The following WDFY1 variants were observed in gnomAD, a reference collection of about 807,000 sequenced individuals.
WDFY1 encodes WD repeat and FYVE domain-containing protein 1.
In WDFY1, 32 loss-of-function variants were observed where a neutral mutation model predicts 56.4. That is an observed-to-expected ratio of 0.57 (90% CI 0.43 to 0.76). The LOEUF (loss-of-function observed/expected upper bound fraction) is 0.76. Among genes scored for constraint, WDFY1 ranks in the 30% least tolerant of loss-of-function variants. WDFY1 has a pLI of 0.00. For synonymous variants in WDFY1, 192 were observed against 197.3 expected, an observed-to-expected ratio of 0.97 and a Z score of 0.23; for missense variants, 480 against 545.7, an observed-to-expected ratio of 0.88 and a Z score of 1.20.
intron 8 of WDFY1, among the ~76,000 whole-genome samples, chr2:223,889,213 A>C (rs918553320): frequency 6.6e-6 from 1 of 151,964 alleles, no homozygotes; most frequent in Non-Finnish European, 1.5e-5. Flanking sequence ...CTCTCAATTC[A>C]TTTCTAATAG....
chr2:223,917,004 G>C (rs1693799425), intron 2 of WDFY1, among the ~76,000 whole-genome samples: 1 of 151,864 alleles, frequency 6.6e-6, no homozygotes, highest in Non-Finnish European at 1.5e-5. Flanking sequence ...AGTAGAGATG[G>C]GGTTTCATCA....
chr2:223,928,482 A>C (rs1694021091), intron 1 of WDFY1, among the ~76,000 whole-genome samples: 1 of 152,184 alleles, frequency 6.6e-6, no homozygotes, highest in Admixed American at 6.5e-5. Flanking sequence ...GAGTTCTGGC[A>C]GAACAGCAGG....
At chr2:223,902,696 ATACT>A (rs1383102709) in intron 4 of WDFY1, among the ~76,000 whole-genome samples, 2 of 151,912 alleles carry the variant, frequency 1.3e-5, no homozygotes, top group African/African-American at 2.4e-5. Context: ...ATTTCCATAA[ATACT>A]TACAGGGTGT....
intron 1 of WDFY1, among the ~76,000 whole-genome samples, chr2:223,920,258 C>A (rs1693866660): frequency 6.6e-6 from 1 of 152,222 alleles, no homozygotes; most frequent in South Asian, 2.1e-4. Context: ...ACACCAGTGA[C>A]CCGCTGCTCA....
intron 8 of WDFY1, 125 bp downstream of exon 8, chr2:223,894,109 A>G (rs1574761948): frequency 2.4e-6 from 2 of 829,338 alleles, no homozygotes; most frequent in East Asian, 2.7e-5. Flanking sequence ...ACCCATTAGC[A>G]GAAGGGGAAG....
At chr2:223,878,979 T>C (rs1574754522) in intron 11 of WDFY1, among the ~76,000 whole-genome samples, 1 of 151,018 alleles carries the variant, frequency 6.6e-6, no homozygotes, top group African/African-American at 2.4e-5. Context: ...AGCCCAGGAG[T>C]TCAAGACCAG....
At chr2:223,894,091 C>A in intron 8 of WDFY1, 143 bp downstream of exon 8, 1 of 716,608 alleles carries the variant, frequency 1.4e-6, no homozygotes, top group Non-Finnish European at 2.3e-6. Flanking sequence ...AGGACCTTGT[C>A]AGAAATAACC....
chr2:223,929,348 C>G (rs1233638984), intron 1 of WDFY1, among the ~76,000 whole-genome samples: 2 of 151,862 alleles, frequency 1.3e-5, no homozygotes, highest in Non-Finnish European at 2.9e-5. Context: ...CCACCATGCC[C>G]AGCTAATTTT....
intron 3 of WDFY1, among the ~76,000 whole-genome samples, chr2:223,907,613 C>T (rs1693619581): frequency 6.6e-6 from 1 of 152,196 alleles, no homozygotes. Flanking sequence ...ACCAACACTG[C>T]ACCACTGCAC....
chr2:223,922,633 C>T (rs774968698), intron 1 of WDFY1, among the ~76,000 whole-genome samples: 11 of 152,184 alleles, frequency 7.2e-5, no homozygotes, highest in Non-Finnish European at 1.3e-4. Context: ...TGTTCTAAAA[C>T]TCTTCAAATC....
intron 4 of WDFY1, among the ~76,000 whole-genome samples, chr2:223,902,405 A>G (rs1299572065): frequency 3.9e-5 from 6 of 152,054 alleles, no homozygotes; most frequent in Non-Finnish European, 7.4e-5. Context: ...TCTACAGAAA[A>G]TTTTTTAAAA....
At chr2:223,915,992 GAA>G (rs1265839908) in intron 2 of WDFY1, among the ~76,000 whole-genome samples, 1 of 152,230 alleles carries the variant, frequency 6.6e-6, no homozygotes, top group Non-Finnish European at 1.5e-5. Context: ...ATGGGTAACA[GAA>G]GAGATGCCAC....
chr2:223,912,220 G>A (rs1258949582), intron 3 of WDFY1, 33 bp downstream of exon 3: 1 of 1,580,850 alleles, frequency 6.3e-7, no homozygotes, highest in East Asian at 2.3e-5. Flanking sequence ...ATAATATAAA[G>A]AATACAATAA....
intron 1 of WDFY1, among the ~76,000 whole-genome samples, chr2:223,921,469 TAGAG>T (rs1156918200): frequency 2.0e-5 from 3 of 151,750 alleles, no homozygotes; most frequent in African/African-American, 7.3e-5. Flanking sequence ...GAAAAAAAAA[TAGAG>T]AGGAAGAACA....
chr2:223,921,459 GAAAA>G (rs201149852), intron 1 of WDFY1, among the ~76,000 whole-genome samples: 5 of 148,916 alleles, frequency 3.4e-5, no homozygotes, highest in Admixed American at 6.6e-5. Flanking sequence ...ATTTGCAAGG[GAAAA>G]AAAAATAGAG....
At chr2:223,901,913 C>T (rs1006537960) in intron 4 of WDFY1, among the ~76,000 whole-genome samples, 2 of 152,136 alleles carry the variant, frequency 1.3e-5, no homozygotes, top group African/African-American at 4.8e-5. Flanking sequence ...GTTCTCTGTT[C>T]CAAAATAACA....
At chr2:223,884,020 A>G (rs1454742064) in intron 9 of WDFY1, among the ~76,000 whole-genome samples, 1 of 151,934 alleles carries the variant, frequency 6.6e-6, no homozygotes, top group East Asian at 1.9e-4. Context: ...AAGGAATAAA[A>G]TCAGCATTCT....
intron 10 of WDFY1, among the ~76,000 whole-genome samples, chr2:223,880,955 G>A (rs1417185399): frequency 6.6e-6 from 1 of 152,168 alleles, no homozygotes; most frequent in Non-Finnish European, 1.5e-5. Context: ...AAGCCCAGCT[G>A]CCCCAATCCC....
Position 223,880,138 on chromosome 2 carries a change from C to T in WDFY1, c.1159G>A (p.Asp387Asn), listed in dbSNP as rs1221019501. 7.4e-6 allele frequency: 12 copies of T among 1,613,766 alleles called. No individual in the cohort carries two copies. The highest frequency in any genetic ancestry group is 4.4e-5 in the South Asian group (4 of 91,036). The change falls in exon 11 of 12, where the codon GAC becomes AAC. Residue 387 changes from aspartate to asparagine, a missense_variant. Asp to Asn is a conservative substitution (Grantham distance 23, BLOSUM62 1). Transcript: ENST00000233055. ...AGCCAGCTTACCTTTACAATGCGGT[C>T]GGTCCCACAGGTCACCATCAGTCCC... ...ARGLMVTCGT[D>N]RIVKIWDMTP...
Sources: allele counts gnomAD v4.1 joint callset (sites outside exome capture counted in the v4.1 genomes callset), GRCh38; gene constraint gnomAD v4.1.1; transcripts MANE v1.5; gene names NCBI Gene and HGNC (gene_info 2026-07-23, HGNC 2026-07-21).